DNM1L: variants seen among roughly 807,000 people sequenced by gnomAD.
The protein encoded by DNM1L is dynamin-1-like protein.
A neutral mutation model predicts 92.8 loss-of-function variants in DNM1L; 33 were observed. That is an observed-to-expected ratio of 0.36 (90% CI 0.27 to 0.48). The LOEUF (loss-of-function observed/expected upper bound fraction) is 0.48. DNM1L is among the 20% of genes least tolerant of loss of function. The probability of loss-of-function intolerance (pLI) is 0.99; values close to 1 mark genes in which losing one functional copy is unlikely to be tolerated. For missense variants in DNM1L, 485 were observed against 888.8 expected, an observed-to-expected ratio of 0.55 and a Z score of 5.78; for synonymous variants, 284 against 305.0, an observed-to-expected ratio of 0.93 and a Z score of 0.72.
chr12:32,679,546 G>T, intron 1 of DNM1L, 81 bp downstream of exon 1: 4 of 1,451,444 alleles, frequency 2.8e-6, no homozygotes, highest in South Asian at 2.3e-5. Context: ...CCACTCCCGC[G>T]CCAGCGCCCA....
intron 6 of DNM1L, among the ~76,000 whole-genome samples, chr12:32,714,510 G>C (rs1953275329): frequency 6.6e-6 from 1 of 151,674 alleles, no homozygotes; most frequent in African/African-American, 2.4e-5. Flanking sequence ...CTGACCTCGT[G>C]ATCCGCCCGC....
At chr12:32,695,315 A>G (rs1243131402) in intron 1 of DNM1L, among the ~76,000 whole-genome samples, 1 of 152,226 alleles carries the variant, frequency 6.6e-6, no homozygotes, top group Non-Finnish European at 1.5e-5. Context: ...CCCTTAGACA[A>G]GGAAATGAAA....
At chr12:32,720,912 T>G in intron 8 of DNM1L, 117 bp downstream of exon 8, 1 of 1,343,324 alleles carries the variant, frequency 7.4e-7, no homozygotes, top group Non-Finnish European at 1.0e-6. Flanking sequence ...CACTTATGGT[T>G]TCTTATATAG....
intron 9 of DNM1L, chr12:32,727,332 C>T (rs189382708): frequency 2.2e-5 from 18 of 809,768 alleles, no homozygotes; most frequent in East Asian, 7.3e-5. Flanking sequence ...ATTCACTCCT[C>T]TTTTAACTAC....
intron 9 of DNM1L, among the ~76,000 whole-genome samples, chr12:32,723,125 T>C (rs969550605): frequency 2.0e-5 from 3 of 151,302 alleles, no homozygotes; most frequent in Admixed American, 2.0e-4. Flanking sequence ...GGGCAACATA[T>C]TGAAATTCCA....
chr12:32,700,795 C>T (rs1952670280), intron 1 of DNM1L, among the ~76,000 whole-genome samples: 1 of 151,942 alleles, frequency 6.6e-6, no homozygotes, highest in Non-Finnish European at 1.5e-5. Context: ...ATTACTGTCC[C>T]ATTTACAGTA....
At chr12:32,689,328 G>C (rs10844295) in intron 1 of DNM1L, among the ~76,000 whole-genome samples, 23,351 of 152,042 alleles carry the variant, frequency 0.15, 1,883 homozygotes, top group Middle Eastern at 0.21. Context: ...TTCCCGAGTA[G>C]CTGGGATTAC....
At chr12:32,728,575 A>G (rs1440556816) in intron 9 of DNM1L, 2 of 152,208 alleles carry the variant, frequency 1.3e-5, no homozygotes, top group Non-Finnish European at 2.9e-5. Flanking sequence ...CTGAAGAGAG[A>G]CCATTTACAT....
intron 7 of DNM1L, among the ~76,000 whole-genome samples, 191 bp downstream of exon 7, chr12:32,718,954 ATT>A (rs11356668): frequency 1.8e-4 from 26 of 145,848 alleles, no homozygotes; most frequent in South Asian, 4.4e-4. Context: ...AAGAGAGAGA[ATT>A]TTTTTTTTTT....
In DNM1L at chr12:32,744,102, T is replaced by C. The variant is rs529363741; in HGVS notation, c.*692T>C. 6.6e-6 allele frequency: 1 copy of C among 152,316 alleles called. No homozygotes were observed. Among genetic ancestry groups the C allele is most frequent in the Non-Finnish European group, 1.5e-5 (1 of 68,094 alleles). The allele number at this position is 152,316 out of a possible 1,614,324, so 9.4% of individuals were successfully genotyped here. A position where few individuals can be genotyped will look rare whatever the true frequency, so the allele number is the denominator to read the frequency against. On this transcript the variant is annotated 3_prime_UTR_variant, in exon 20 of 20. Transcript: ENST00000549701. ...TCATACTTAAACCTGAAAGCAGGAA[T>C]GCCTACATTAATTCCTACATTAAAA... is the stretch of plus-strand genomic sequence containing the variant.
chr12:32,740,564 G>A lies in DNM1L; in HGVS notation c.1994+46G>A, dbSNP rs201656824. On this transcript the variant is annotated intron_variant, in intron 18 of 19. Coordinates refer to ENST00000549701, the MANE Select transcript of DNM1L (RefSeq NM_012062.5). ...ATGACGGACTTTAATACTTCTGGAT[G>A]ATTCTGTGATCTGTTTTGAAAAATA... 1,265 of 1,478,878 alleles carry A rather than the reference G, an allele frequency of 8.6e-4. 2 individuals are homozygous for A. Among genetic ancestry groups the A allele is most frequent in the South Asian group, 3.4e-3 (289 of 84,668 alleles). The allele number at this position is 1,478,878 out of a possible 1,614,324, so 91.6% of individuals were successfully genotyped here.
At chr12:32,688,216 T>C (rs1952103676) in intron 1 of DNM1L, among the ~76,000 whole-genome samples, 1 of 152,178 alleles carries the variant, frequency 6.6e-6, no homozygotes, top group Non-Finnish European at 1.5e-5. Context: ...TGAGCCACTG[T>C]GTGGGCCCCG....
chr12:32,725,364 C>T (rs184703590), intron 9 of DNM1L: 21 of 152,244 alleles, frequency 1.4e-4, no homozygotes, highest in Non-Finnish European at 2.1e-4. Context: ...AGAAGGTAGA[C>T]CCTACCACAA....
intron 16 of DNM1L, among the ~76,000 whole-genome samples, chr12:32,739,537 A>T (rs1955134173): frequency 6.6e-6 from 1 of 152,202 alleles, no homozygotes; most frequent in African/African-American, 2.4e-5. Context: ...GCTTTTTGTT[A>T]AAGAGTTCTT....
intron 6 of DNM1L, among the ~76,000 whole-genome samples, chr12:32,718,054 T>C (rs1292820844): frequency 1.5e-5 from 2 of 132,592 alleles, no homozygotes; most frequent in African/African-American, 5.7e-5. Context: ...CTATATATAC[T>C]ATACATATTT....
At position 32,689,942 on chromosome 12, in the gene DNM1L, G is replaced by A. The variant is rs7310437; in HGVS notation, c.102+10477G>A. ...GACCAGGCACACAAATCTTTAGCTC[G>A]TAAATATAATACAGGTTATTGAATC... On this transcript the variant is annotated intron_variant, in intron 1 of 19. Coordinates refer to ENST00000549701, the MANE Select transcript of DNM1L (RefSeq NM_012062.5). Among the ~76,000 whole-genome samples, 28 of 152,194 alleles carry A rather than the reference G, an allele frequency of 1.8e-4. No individual in the cohort carries two copies. The South Asian group carries it at 5.2e-3, about 28-fold the overall frequency.
At chr12:32,695,449 AAATT>A (rs1383126409) in intron 1 of DNM1L, among the ~76,000 whole-genome samples, 2 of 152,210 alleles carry the variant, frequency 1.3e-5, no homozygotes, top group African/African-American at 4.8e-5. Context: ...AAAAATTAAA[AAATT>A]AAGTGATAGT....
At chr12:32,700,212 C>T (rs538033534) in intron 1 of DNM1L, among the ~76,000 whole-genome samples, 9 of 152,072 alleles carry the variant, frequency 5.9e-5, no homozygotes, top group South Asian at 2.1e-4. Flanking sequence ...CTCCACCTCC[C>T]GGGTTCAAGC....
At chr12:32,713,750 T>C (rs1953235982) in intron 6 of DNM1L, among the ~76,000 whole-genome samples, 1 of 152,116 alleles carries the variant, frequency 6.6e-6, no homozygotes, top group South Asian at 2.1e-4. Context: ...AAGGCTGAGA[T>C]GGGAGCATTG....
Sources: gnomAD v4.1 joint callset for allele counts (sites outside exome capture counted in the v4.1 genomes callset) on GRCh38, gnomAD v4.1.1 for gene constraint, MANE v1.5 for transcripts, NCBI Gene and HGNC (gene_info 2026-07-23, HGNC 2026-07-21) for gene names.